SLC9A9: variants seen among roughly 807,000 people sequenced by gnomAD.
The protein encoded by SLC9A9 is solute carrier family 9 member A9, also known as sodium/hydrogen exchanger 9.
A neutral mutation model predicts 77.8 loss-of-function variants in SLC9A9; 62 were observed. The observed-to-expected ratio is 0.80, with a 90% confidence interval of 0.65 to 0.98. The LOEUF (loss-of-function observed/expected upper bound fraction) is 0.98, where lower values mean the gene tolerates loss of function less well. Ranked by LOEUF, SLC9A9 falls within the 50% of genes least tolerant of loss-of-function variation. The pLI is 0.00. For missense variants in SLC9A9, 775 were observed against 774.9 expected (o/e 1.00, Z 0.00); for synonymous variants, 320 against 283.5 (o/e 1.13, Z -1.29).
At chr3:143,536,692 T>C (rs761589689) in intron 9 of SLC9A9, among the ~76,000 whole-genome samples, 2 of 152,214 alleles carry the variant, frequency 1.3e-5, no homozygotes, top group Non-Finnish European at 2.9e-5. Context: ...CTTATTTGGG[T>C]AATGTCTTAG....
At chr3:143,422,189 T>C (rs1276389602) in intron 12 of SLC9A9, among the ~76,000 whole-genome samples, 1 of 152,128 alleles carries the variant, frequency 6.6e-6, no homozygotes, top group Non-Finnish European at 1.5e-5. Flanking sequence ...AGTTTGGAGA[T>C]TTCTCAAAGA....
At chr3:143,847,662 A>G (rs1046118567) in intron 1 of SLC9A9, 1 of 160,272 alleles carries the variant, frequency 6.2e-6, no homozygotes, top group Admixed American at 5.9e-5. Flanking sequence ...ACTTGGACAC[A>G]ATATTCTCTT....
At chr3:143,336,483 A>G (rs570747677) in intron 14 of SLC9A9, among the ~76,000 whole-genome samples, 35 of 152,308 alleles carry the variant, frequency 2.3e-4, no homozygotes, top group South Asian at 8.3e-4. Flanking sequence ...GAAATGGAAG[A>G]AGCCCATATG....
intron 12 of SLC9A9, among the ~76,000 whole-genome samples, chr3:143,400,901 G>T (rs550128041): frequency 6.6e-6 from 1 of 152,154 alleles, no homozygotes; most frequent in Admixed American, 6.6e-5. Context: ...CTTAGATTTT[G>T]CATCCTAGGT....
chr3:143,517,660 T>C, intron 9 of SLC9A9: 1 of 1,597,210 alleles, frequency 6.3e-7, no homozygotes, highest in Non-Finnish European at 8.5e-7. Flanking sequence ...GTCTGTGTGC[T>C]TTCGCCCGCC....
At chr3:143,309,856 G>T (rs2030952428) in intron 14 of SLC9A9, among the ~76,000 whole-genome samples, 1 of 152,084 alleles carries the variant, frequency 6.6e-6, no homozygotes, top group Admixed American at 6.6e-5. Flanking sequence ...TTTCCCAAGG[G>T]TGAGAGTGAG....
At chr3:143,467,003 A>G (rs2035290478) in intron 12 of SLC9A9, 34 bp downstream of exon 12, 1 of 1,607,668 alleles carries the variant, frequency 6.2e-7, no homozygotes, top group African/African-American at 1.3e-5. Flanking sequence ...GCCATGCCTC[A>G]TAATGATTTC....
intron 5 of SLC9A9, among the ~76,000 whole-genome samples, chr3:143,662,248 A>G (rs1040375575): frequency 2.0e-5 from 3 of 152,234 alleles, no homozygotes; most frequent in African/African-American, 7.2e-5. Flanking sequence ...GCCCTACAGT[A>G]ATCCCTTCTG....
At chr3:143,464,301 T>A (rs1422516932) in intron 12 of SLC9A9, among the ~76,000 whole-genome samples, 1 of 152,186 alleles carries the variant, frequency 6.6e-6, no homozygotes, top group East Asian at 1.9e-4. Context: ...GTCTAAATGA[T>A]GGGTGACTAT....
intron 14 of SLC9A9, among the ~76,000 whole-genome samples, chr3:143,278,910 C>T (rs1012811460): frequency 1.3e-5 from 2 of 152,116 alleles, no homozygotes; most frequent in African/African-American, 4.8e-5. Context: ...TACTTATTAT[C>T]TACAAGTAGG....
intron 4 of SLC9A9, among the ~76,000 whole-genome samples, chr3:143,726,742 A>AG (rs1175571130): frequency 1.3e-5 from 2 of 152,086 alleles, no homozygotes; most frequent in Admixed American, 6.6e-5. Flanking sequence ...GCCTGAAAAA[A>AG]AAAATCTGTC....
At chr3:143,789,415 T>C (rs2008153621) in intron 4 of SLC9A9, among the ~76,000 whole-genome samples, 1 of 152,220 alleles carries the variant, frequency 6.6e-6, no homozygotes, top group Non-Finnish European at 1.5e-5. Flanking sequence ...AAAAATTCTC[T>C]GCTTCCCTGA....
chr3:143,269,043 A>C, intron 14 of SLC9A9, 63 bp from the exon 15 acceptor site: 1 of 1,229,956 alleles, frequency 8.1e-7, no homozygotes, highest in Non-Finnish European at 1.2e-6. Context: ...CTTACGCTGC[A>C]CAAACCTTTG....
At chr3:143,828,429 T>C (rs886634588) in intron 2 of SLC9A9, among the ~76,000 whole-genome samples, 1 of 152,164 alleles carries the variant, frequency 6.6e-6, no homozygotes, top group African/African-American at 2.4e-5. Context: ...CCTGCCTTTG[T>C]GAAGTTTACA....
chr3:143,709,215 G>T (rs574882363), intron 4 of SLC9A9, among the ~76,000 whole-genome samples: 2 of 152,186 alleles, frequency 1.3e-5, no homozygotes, highest in South Asian at 4.2e-4. Flanking sequence ...AATCACATAG[G>T]GAGTTCAAAA....
intron 8 of SLC9A9, among the ~76,000 whole-genome samples, chr3:143,572,462 T>G (rs1481879435): frequency 6.6e-6 from 1 of 152,182 alleles, no homozygotes; most frequent in Admixed American, 6.5e-5. Flanking sequence ...TAAACTTGAA[T>G]AGAATACAGA....
At chr3:143,474,490 C>A (rs142635567) in intron 11 of SLC9A9, among the ~76,000 whole-genome samples, 1 of 151,996 alleles carries the variant, frequency 6.6e-6, no homozygotes, top group East Asian at 1.9e-4. Flanking sequence ...GATGATAGCA[C>A]GGCAGGTGCT....
chr3:143,806,632 A>G (rs1231673340), intron 2 of SLC9A9, among the ~76,000 whole-genome samples: 2 of 151,792 alleles, frequency 1.3e-5, no homozygotes, highest in Non-Finnish European at 2.9e-5. Flanking sequence ...AATTTTGCAT[A>G]TTTTTACTCA....
chr3:143,278,373 G>A (rs977547467), intron 14 of SLC9A9, among the ~76,000 whole-genome samples: 1 of 152,198 alleles, frequency 6.6e-6, no homozygotes, highest in Non-Finnish European at 1.5e-5. Flanking sequence ...TCATTACTAA[G>A]GAGATGCTAG....
Sources: gnomAD v4.1 joint callset for allele counts (sites outside exome capture counted in the v4.1 genomes callset) on GRCh38, gnomAD v4.1.1 for gene constraint, MANE v1.5 for transcripts, NCBI Gene and HGNC (gene_info 2026-07-23, HGNC 2026-07-21) for gene names.